MAF: variants seen among roughly 807,000 people sequenced by gnomAD.
MAF encodes transcription factor Maf.
MAF carries 10 observed loss-of-function variants against 22.0 expected under a neutral mutation model. The observed-to-expected ratio is 0.45, with a 90% CI of 0.28 to 0.77. The LOEUF is 0.77. Ranked by LOEUF, MAF falls within the 30% of genes least tolerant of loss-of-function variation. The pLI is 0.12. For synonymous variants in MAF, 337 were observed against 255.8 expected, an observed-to-expected ratio of 1.32 and a Z score of -3.03; for missense variants, 544 against 548.4, an observed-to-expected ratio of 0.99 and a Z score of 0.08.
chr16:79,547,801 T>C, the MAF span, among the ~76,000 whole-genome samples: 2 of 152,114 alleles, frequency 1.3e-5, no homozygotes, highest in African/African-American at 2.4e-5. Flanking sequence ...TTGTCTACAA[T>C]TGATCTTTTT....
At chr16:79,437,597 C>T in the MAF span, among the ~76,000 whole-genome samples, 1 of 152,046 alleles carries the variant, frequency 6.6e-6, no homozygotes, top group South Asian at 2.1e-4. Flanking sequence ...CCTGTGTGCC[C>T]CCTCATTTTA....
the MAF span, among the ~76,000 whole-genome samples, chr16:79,450,711 A>G: frequency 2.0e-5 from 3 of 152,040 alleles, no homozygotes; most frequent in African/African-American, 4.8e-5. Flanking sequence ...TTGACTGACA[A>G]CTCGGATGGA....
At chr16:79,406,226 C>A in the MAF span, among the ~76,000 whole-genome samples, 1 of 152,196 alleles carries the variant, frequency 6.6e-6, no homozygotes, top group Admixed American at 6.5e-5. Context: ...CAATTACTTG[C>A]CTTCATATCC....
At chr16:79,263,183 T>C in the MAF span, among the ~76,000 whole-genome samples, 2 of 152,140 alleles carry the variant, frequency 1.3e-5, no homozygotes, top group Non-Finnish European at 2.9e-5. Flanking sequence ...CCCTGGTATA[T>C]CTAGGGAGGC....
At chr16:79,347,593 C>A in the MAF span, among the ~76,000 whole-genome samples, 1 of 151,734 alleles carries the variant, frequency 6.6e-6, no homozygotes, top group Non-Finnish European at 1.5e-5. Context: ...GAGCGGGGAA[C>A]AAAAGCGGCA....
the MAF span, among the ~76,000 whole-genome samples, chr16:79,287,549 T>A: frequency 2.0e-5 from 3 of 152,212 alleles, no homozygotes; most frequent in African/African-American, 7.2e-5. Flanking sequence ...GACCCACGTG[T>A]AATTAAAGCT....
chr16:79,354,758 A>G, the MAF span, among the ~76,000 whole-genome samples: 2 of 152,190 alleles, frequency 1.3e-5, no homozygotes, highest in African/African-American at 2.4e-5. Flanking sequence ...TTTGAGCGGG[A>G]TTTCCATGCC....
At chr16:79,441,323 C>G in the MAF span, among the ~76,000 whole-genome samples, 4 of 152,190 alleles carry the variant, frequency 2.6e-5, no homozygotes, top group African/African-American at 9.6e-5. Flanking sequence ...CCAAGCTCCT[C>G]TCTTACACAC....
the MAF span, among the ~76,000 whole-genome samples, chr16:79,569,362 A>C: frequency 4.6e-5 from 7 of 152,280 alleles, no homozygotes; most frequent in African/African-American, 1.7e-4. Flanking sequence ...GTTGAGACCC[A>C]TTGCTTTAAA....
chr16:79,329,286 A>G, the MAF span, among the ~76,000 whole-genome samples: 3 of 152,176 alleles, frequency 2.0e-5, no homozygotes, highest in Non-Finnish European at 4.4e-5. Context: ...AGTGACTGAG[A>G]AATGGATGGT....
chr16:79,576,132 C>T, the MAF span, among the ~76,000 whole-genome samples: 1 of 148,170 alleles, frequency 6.7e-6, no homozygotes, highest in Non-Finnish European at 1.5e-5. Flanking sequence ...TATCACTGCT[C>T]TTGCTTTTCT....
At chr16:79,214,762 G>T in the MAF span, among the ~76,000 whole-genome samples, 2 of 111,664 alleles carry the variant, frequency 1.8e-5, no homozygotes, top group African/African-American at 7.0e-5. Flanking sequence ...GCCCAGTCTA[G>T]AGTGCAGTGG....
At chr16:79,557,633 T>C in the MAF span, among the ~76,000 whole-genome samples, 1 of 151,804 alleles carries the variant, frequency 6.6e-6, no homozygotes, top group Non-Finnish European at 1.5e-5. Flanking sequence ...ACCCTCAGAG[T>C]GTTGCAAAGA....
At chr16:79,544,145 G>C in the MAF span, among the ~76,000 whole-genome samples, 1 of 152,154 alleles carries the variant, frequency 6.6e-6, no homozygotes, top group East Asian at 1.9e-4. Flanking sequence ...GGGAAAGTTT[G>C]CACAGAGAAT....
Position 79,599,958 on chromosome 16 carries a change from G to C in MAF, c.-56C>G. ...GCTCCGCCAGATGGGCTGCAGGAGA[G>C]GGGCCAGCGGGCTGTGCTGGGTGGC... On this transcript the variant is annotated 5_prime_UTR_variant, in exon 1 of 2. Coordinates refer to ENST00000326043, the MANE Select transcript of MAF (RefSeq NM_005360.5). The C allele has an allele frequency of 6.3e-7, 1 of 1,596,202 alleles. No individual in the cohort carries two copies. The highest frequency in any genetic ancestry group is 8.5e-7 in the Non-Finnish European group (1 of 1,178,580).
chr16:79,402,441 G>C, the MAF span, among the ~76,000 whole-genome samples: 1 of 152,194 alleles, frequency 6.6e-6, no homozygotes, highest in Non-Finnish European at 1.5e-5. Context: ...GAGGCTACAA[G>C]CATTCTTCCA....
the MAF span, among the ~76,000 whole-genome samples, chr16:79,466,753 C>G: frequency 6.6e-6 from 1 of 152,228 alleles, no homozygotes; most frequent in Non-Finnish European, 1.5e-5. Flanking sequence ...AATGTGGTAC[C>G]TTTTATGCCA....
At chr16:79,471,204 C>T in the MAF span, among the ~76,000 whole-genome samples, 2 of 152,216 alleles carry the variant, frequency 1.3e-5, no homozygotes, top group African/African-American at 4.8e-5. Flanking sequence ...GAGCAAGTTC[C>T]TGTGCTTTAC....
the MAF span, among the ~76,000 whole-genome samples, chr16:79,408,208 G>A: frequency 1.3e-5 from 2 of 151,604 alleles, no homozygotes; most frequent in South Asian, 2.1e-4. Flanking sequence ...ATGGACTCTC[G>A]CTCTGTCACC....
Sources: gnomAD v4.1 joint callset for allele counts (sites outside exome capture counted in the v4.1 genomes callset) on GRCh38, gnomAD v4.1.1 for gene constraint, MANE v1.5 for transcripts, NCBI Gene and HGNC (gene_info 2026-07-23, HGNC 2026-07-21) for gene names.